POC1A: variants seen among roughly 807,000 people sequenced by gnomAD.
POC1A encodes the protein POC1 centriolar protein homolog A.
In POC1A, 34 loss-of-function variants were observed where a neutral mutation model predicts 47.8. The ratio of observed to expected loss-of-function variants is 0.71; its 90% CI spans 0.54 to 0.95. POC1A has a LOEUF of 0.95. Ranked by LOEUF, POC1A falls within the 40% of genes least tolerant of loss-of-function variation. The pLI, the probability that POC1A is intolerant of heterozygous loss-of-function variation, is 0.00. For synonymous variants in POC1A, 177 were observed against 207.6 expected (o/e 0.85, Z 1.27); for missense variants, 466 against 528.3 (o/e 0.88, Z 1.16).
At chr3:52,113,965 G>A (rs1248301712) in intron 9 of POC1A, among the ~76,000 whole-genome samples, 1 of 152,194 alleles carries the variant, frequency 6.6e-6, no homozygotes, top group Non-Finnish European at 1.5e-5. Flanking sequence ...TGCAGAGTGA[G>A]CCCATGAAAT....
intron 9 of POC1A, among the ~76,000 whole-genome samples, chr3:52,104,196 T>C (rs1703094169): frequency 6.6e-6 from 1 of 152,132 alleles, no homozygotes; most frequent in Non-Finnish European, 1.5e-5. Context: ...ATAATTAGAC[T>C]GAGTGAAAGA....
At chr3:52,081,157 C>G (rs907402281) in intron 10 of POC1A, among the ~76,000 whole-genome samples, 1 of 152,238 alleles carries the variant, frequency 6.6e-6, no homozygotes, top group Admixed American at 6.5e-5. Context: ...TCTGTTGTTT[C>G]TCTAGACCAA....
At chr3:52,089,577 G>T (rs1393564326) in intron 10 of POC1A, among the ~76,000 whole-genome samples, 1 of 152,120 alleles carries the variant, frequency 6.6e-6, no homozygotes, top group African/African-American at 2.4e-5. Flanking sequence ...ATGCAGAGAG[G>T]GGGCCCATTT....
At chr3:52,123,005 CA>C (rs1460125348) in intron 8 of POC1A, among the ~76,000 whole-genome samples, 1 of 152,234 alleles carries the variant, frequency 6.6e-6, no homozygotes, top group East Asian at 1.9e-4. Flanking sequence ...ACATGGCCTC[CA>C]GGCCAGAACA....
intron 9 of POC1A, among the ~76,000 whole-genome samples, chr3:52,108,347 T>C (rs986966359): frequency 1.4e-4 from 21 of 152,178 alleles, no homozygotes; most frequent in African/African-American, 4.6e-4. Context: ...AGATGAGGCA[T>C]CTAATGAAGA....
intron 6 of POC1A, among the ~76,000 whole-genome samples, chr3:52,139,659 C>T (rs1416359276): frequency 6.6e-6 from 1 of 152,204 alleles, no homozygotes. Flanking sequence ...AACTATCTGA[C>T]TCACATCTGG....
chr3:52,101,614 C>T (rs951379870), intron 9 of POC1A, among the ~76,000 whole-genome samples: 1 of 152,252 alleles, frequency 6.6e-6, no homozygotes, highest in Middle Eastern at 3.4e-3. Flanking sequence ...AACCCAGTAA[C>T]AGAGAAGTAT....
intron 9 of POC1A, among the ~76,000 whole-genome samples, chr3:52,112,563 A>G (rs572843959): frequency 6.6e-6 from 1 of 152,088 alleles, no homozygotes; most frequent in South Asian, 2.1e-4. Context: ...AATTGTTTGA[A>G]CTCCGGAGGC....
At chr3:52,154,324 G>C (rs1275036305) in intron 1 of POC1A, 31 bp downstream of exon 1, 2 of 1,557,824 alleles carry the variant, frequency 1.3e-6, no homozygotes, top group Non-Finnish European at 1.7e-6. Flanking sequence ...GGGAGACTGA[G>C]GCCTGGGGAG....
At chr3:52,102,402 G>C (rs983110724) in intron 9 of POC1A, among the ~76,000 whole-genome samples, 1 of 152,142 alleles carries the variant, frequency 6.6e-6, no homozygotes, top group African/African-American at 2.4e-5. Context: ...GCTTCTGGTG[G>C]CTCCATAATT....
At chr3:52,083,773 G>T (rs1196955038) in intron 10 of POC1A, among the ~76,000 whole-genome samples, 1 of 152,182 alleles carries the variant, frequency 6.6e-6, no homozygotes, top group African/African-American at 2.4e-5. Context: ...CTGATGCCAG[G>T]GCTGCCCGGC....
chr3:52,149,081 C>A (rs1349969595), intron 4 of POC1A, 129 bp downstream of exon 4: 39 of 691,262 alleles, frequency 5.6e-5, no homozygotes, highest in Non-Finnish European at 2.5e-6. Flanking sequence ...ATAAGGAAAC[C>A]GAGGCTGAGG....
rs140515193 is a variant in POC1A at position 52,091,322 on chromosome 3, G to T, written c.1125+5247C>A. Among the ~76,000 whole-genome samples the T allele has an allele frequency of 4.6e-5, 7 of 152,306 alleles. No homozygotes were observed. In the East Asian group the frequency reaches 1.3e-3, roughly 29 times the overall value. ...GCAGCTCCTGAGAATTCCCATAGGG[G>T]GCTCAAGGAACAAAAAGCCCTCCAA... On this transcript the variant is annotated intron_variant, in intron 10 of 10. Transcript: ENST00000296484.
intron 5 of POC1A, among the ~76,000 whole-genome samples, 185 bp downstream of exon 5, chr3:52,146,803 T>C (rs983012306): frequency 6.6e-6 from 1 of 152,108 alleles, no homozygotes; most frequent in Non-Finnish European, 1.5e-5. Context: ...AAAGCTTCCA[T>C]CCACACAGCA....
intron 7 of POC1A, among the ~76,000 whole-genome samples, chr3:52,133,680 G>C (rs1276467392): frequency 6.6e-6 from 1 of 152,114 alleles, no homozygotes; most frequent in Non-Finnish European, 1.5e-5. Context: ...GGGTGAGTTT[G>C]GCCTCAACTC....
At chr3:52,119,558 C>G (rs914979468) in intron 9 of POC1A, among the ~76,000 whole-genome samples, 1 of 152,058 alleles carries the variant, frequency 6.6e-6, no homozygotes, top group African/African-American at 2.4e-5. Flanking sequence ...CCATGCTCAA[C>G]TAATTTTTAA....
intron 9 of POC1A, among the ~76,000 whole-genome samples, chr3:52,103,338 C>T (rs372485733): frequency 1.3e-5 from 2 of 152,130 alleles, no homozygotes; most frequent in Non-Finnish European, 1.5e-5. Context: ...ACCAGCCTGG[C>T]CAAAATGGCA....
chr3:52,075,690 TG>T lies in POC1A; in HGVS notation c.*196del. ...TCATTTGTGTGTGAGCCCGGCCCAC[TG>T]GGGACCTCTGGCTGCCAGGTGGAGA... On this transcript the variant is annotated 3_prime_UTR_variant, in exon 11 of 11. Transcript: ENST00000296484. The T allele has an allele frequency of 1.9e-6, 1 of 532,328 alleles. No homozygotes were observed. The highest frequency in any genetic ancestry group is 3.5e-6 in the Non-Finnish European group (1 of 287,624). 33.0% of individuals were successfully genotyped at this position (532,328 alleles called of 1,614,324 possible). A position where few individuals can be genotyped will look rare whatever the true frequency, so the allele number is the denominator to read the frequency against.
intron 10 of POC1A, among the ~76,000 whole-genome samples, chr3:52,077,742 G>A (rs1447182790): frequency 2.0e-5 from 3 of 151,860 alleles, no homozygotes; most frequent in African/African-American, 7.3e-5. Flanking sequence ...GACTTTTTCC[G>A]ATGGCCCCAA....
Sources: allele counts gnomAD v4.1 joint callset (sites outside exome capture counted in the v4.1 genomes callset), GRCh38; gene constraint gnomAD v4.1.1; transcripts MANE v1.5; gene names NCBI Gene and HGNC (gene_info 2026-07-23, HGNC 2026-07-21).